The following SCAF4 variants were observed in gnomAD, a reference collection of about 807,000 sequenced individuals.
SCAF4 encodes SR-related and CTD-associated factor 4.
A neutral mutation model predicts 129.8 loss-of-function variants in SCAF4; 25 were observed. The ratio of observed to expected loss-of-function variants is 0.19; its 90% CI spans 0.14 to 0.27. The LOEUF (loss-of-function observed/expected upper bound fraction) is 0.27. SCAF4 is among the 10% of genes least tolerant of loss of function. SCAF4 has a pLI of 1.00. For synonymous variants in SCAF4, 551 were observed against 497.7 expected, an observed-to-expected ratio of 1.11 and a Z score of -1.43; for missense variants, 1,246 against 1,457.1, an observed-to-expected ratio of 0.86 and a Z score of 2.36.
rs2050539484 is a variant in SCAF4, at chr21:31,701,825, T to A, written c.551A>T (p.Asp184Val). The A allele has an allele frequency of 1.2e-6, 2 of 1,613,890 alleles. No individual in the cohort carries two copies. Among genetic ancestry groups the A allele is most frequent in the Non-Finnish European group, 8.5e-7 (1 of 1,179,966 alleles). The change falls in exon 6 of 20, where the codon GAT (aspartate) becomes GTT (valine). Residue 184 changes from aspartate to valine, a missense_variant. Physicochemically the swap from Asp to Val is radical, Grantham distance 152. This residue lies in a region of SCAF4 where 143 missense variants were observed against 161.0 expected (regional missense o/e 0.89). Transcript: ENST00000286835. Reference protein sequence around the residue: ...VPAVPQLPSSDAFAAVAQLFQ... With the variant: ...VPAVPQLPSSVAFAAVAQLFQ... ...CAGCTGAGCCACAGCAGCAAAAGCA[T>A]CAGAGCTGGGCAACTGTGGTACAGC... is the stretch of plus-strand genomic sequence containing the variant.
chr21:31,731,894 CT>C lies in SCAF4; in HGVS notation c.-203del, dbSNP rs984162824. 9 of 511,810 alleles carry C rather than the reference CT, an allele frequency of 1.8e-5. No homozygotes were observed. Among genetic ancestry groups the C allele is most frequent in the African/African-American group, 1.4e-4 (7 of 49,074 alleles). 31.7% of individuals were successfully genotyped at this position (511,810 alleles called of 1,614,324 possible). On this transcript the variant is annotated 5_prime_UTR_variant, in exon 1 of 20. Transcript: ENST00000286835. ...CAGAGGCGGAGAGGTGGCGGGCCCC[CT>C]CTCAGTCCCGTTCGCAGGATGAGGA... is the stretch of plus-strand genomic sequence containing the variant.
intron 1 of SCAF4, chr21:31,712,946 T>C (rs967723700): frequency 1.2e-6 from 1 of 823,438 alleles, no homozygotes; most frequent in Non-Finnish European, 1.5e-6. Context: ...CTCTAACTCC[T>C]ACCCCCTCTC....
At chr21:31,696,054 A>T in intron 9 of SCAF4, 59 bp downstream of exon 9, 3 of 1,267,844 alleles carry the variant, frequency 2.4e-6, no homozygotes, top group Non-Finnish European at 2.3e-6. Flanking sequence ...TGTGGAATGC[A>T]AACCATACGC....
chr21:31,725,212 G>A (rs2051172915), intron 1 of SCAF4, among the ~76,000 whole-genome samples: 1 of 151,994 alleles, frequency 6.6e-6, no homozygotes, highest in Non-Finnish European at 1.5e-5. Context: ...CTGTCTACAT[G>A]TCTTTAGATA....
chr21:31,712,558 T>G (rs2050828125), intron 1 of SCAF4, among the ~76,000 whole-genome samples: 2 of 143,720 alleles, frequency 1.4e-5, no homozygotes, highest in South Asian at 4.5e-4. Context: ...GACAAAGCCT[T>G]GCTATTGTCC....
At position 31,731,556 on chromosome 21, in the gene SCAF4, A is replaced by G. The variant is rs1373441113; in HGVS notation, c.30+107T>C. ...GGCCCCGCCGCCCCGGAACCGGGGC[A>G]GGAAGCGTCCCCACCCGGACCAAAG... On this transcript the variant is annotated intron_variant, in intron 1 of 19. Coordinates refer to ENST00000286835, the MANE Select transcript of SCAF4 (RefSeq NM_020706.2). The G allele has an allele frequency of 3.8e-6, 5 of 1,325,208 alleles. No homozygotes were observed. In the African/African-American group the frequency reaches 6.1e-5, roughly 16 times the overall value. 82.1% of individuals were successfully genotyped at this position (1,325,208 alleles called of 1,614,324 possible).
intron 1 of SCAF4, chr21:31,712,992 T>C (rs2050841376): frequency 3.0e-6 from 1 of 332,688 alleles, no homozygotes; most frequent in Non-Finnish European, 4.3e-6. Flanking sequence ...TTCTCTTAAT[T>C]AAAAATCAAT....
intron 16 of SCAF4, 135 bp downstream of exon 16, chr21:31,688,172 T>TA (rs1417460724): frequency 1.2e-5 from 4 of 335,736 alleles, no homozygotes; most frequent in African/African-American, 1.1e-4. Flanking sequence ...TTAAATCTGA[T>TA]AAAACATGAA....
intron 1 of SCAF4, 177 bp from the exon 2 acceptor site, chr21:31,706,534 C>T: frequency 3.4e-6 from 2 of 583,490 alleles, no homozygotes; most frequent in Non-Finnish European, 6.1e-6. Flanking sequence ...CCAGCACACA[C>T]CCTCCCCACT....
intron 12 of SCAF4, among the ~76,000 whole-genome samples, chr21:31,692,889 G>C (rs189170041): frequency 6.6e-6 from 1 of 152,268 alleles, no homozygotes. Flanking sequence ...TGTGTCCTAG[G>C]TGATAAGCCT....
Position 31,692,383 on chromosome 21 carries a change from A to T in SCAF4, c.1580T>A (p.Leu527His), listed in dbSNP as rs780461432. The change falls in exon 13 of 20, where the codon CTC (leucine) becomes CAC (histidine). Residue 527 changes from leucine to histidine, a missense_variant. Physicochemically the swap from Leu to His is moderately conservative, Grantham distance 99. Transcript: ENST00000286835. ...KRTTQQDVAS[L>H]LEEFGPIESI... ...TTCAATTGGACCAAACTCTTCCAAG[A>T]GACTGGCAACATCCTGCTGAGTAGT... 9 of 1,614,020 alleles carry T rather than the reference A, an allele frequency of 5.6e-6. No individual in the cohort carries two copies. In the East Asian group the frequency reaches 2.0e-4, roughly 36 times the overall value.
Position 31,671,673 on chromosome 21 carries a change from C to T in SCAF4, c.3170G>A (p.Arg1057Gln), listed in dbSNP as rs1213089710. 1.1e-5 allele frequency: 17 copies of T among 1,613,910 alleles called. No individual in the cohort carries two copies. The highest frequency in any genetic ancestry group is 1.4e-5 in the Non-Finnish European group (16 of 1,179,922). ...EERNRRSSGH[R>Q]DRERDSRDRE... ...ATCTCTAGAATCTCTCTCTCTGTCTCGATGCCCACTAGAGCGTCTATTTCT... is the reference window on the plus strand; with the variant it reads ...ATCTCTAGAATCTCTCTCTCTGTCTTGATGCCCACTAGAGCGTCTATTTCT... Residue 1057 changes from arginine to glutamine, a missense_variant, in exon 20 of 20, where the codon CGA becomes CAA. This residue lies in a region of SCAF4 where 339 missense variants were observed against 325.0 expected (regional missense o/e 1.04). Transcript: ENST00000286835.
At chr21:31,722,013 C>A (rs772770060) in intron 1 of SCAF4, among the ~76,000 whole-genome samples, 1 of 152,148 alleles carries the variant, frequency 6.6e-6, no homozygotes, top group African/African-American at 2.4e-5. Context: ...AGCCACCACG[C>A]CTGGCCTGAG....
At chr21:31,701,253 A>G in intron 6 of SCAF4, 82 bp from the exon 7 acceptor site, 2 of 1,291,384 alleles carry the variant, frequency 1.5e-6, no homozygotes, top group Non-Finnish European at 2.1e-6. Flanking sequence ...AAAATGTCTT[A>G]AAGGTGATTC....
Position 31,701,766 on chromosome 21 carries a change from GAC to G in SCAF4, c.600+8_600+9del. The G allele has an allele frequency of 6.3e-7, 1 of 1,596,006 alleles. No homozygotes were observed. The highest frequency in any genetic ancestry group is 8.5e-7 in the Non-Finnish European group (1 of 1,174,370). ...CTGCAAACAATTTCACTTTTGAGTA[GAC>G]AGTTTACCTGTTGGCCTTGAGTTGT... On this transcript the variant is annotated splice_region_variant and intron_variant, in intron 6 of 19. Transcript: ENST00000286835.
At position 31,694,846 on chromosome 21, in the gene SCAF4, T is replaced by C. The variant is rs773644652; in HGVS notation, c.1203A>G (p.Gln401=). The change falls in exon 10 of 20, where the codon CAA becomes CAG. Residue 401 remains glutamine (Q), a synonymous_variant. Transcript: ENST00000286835. ...GCGGCTTCTGTGTAAGTGGTTCATT[T>C]TGTGCCTGAAAAGAAGCTTGGAAAG... is the stretch of plus-strand genomic sequence containing the variant. ...QQPFQASFQA[Q]NEPLTQKPHQ... 6 of 1,614,068 alleles carry C rather than the reference T, an allele frequency of 3.7e-6. No individual in the cohort carries two copies. The highest frequency in any genetic ancestry group is 8.5e-7 in the Non-Finnish European group (1 of 1,180,006).
At chr21:31,696,284 T>C (rs1260656838) in intron 8 of SCAF4, 63 bp from the exon 9 acceptor site, 9 of 1,264,494 alleles carry the variant, frequency 7.1e-6, no homozygotes, top group Non-Finnish European at 9.2e-6. Context: ...CACACTTAAA[T>C]TACAGAAACA....
Position 31,688,439 on chromosome 21 carries a change from A to T in SCAF4, c.1911T>A (p.Pro637=). ...NPDWKGIPKK[P]ENEVAQNGGA... Reference sequence around the variant, plus strand: ...CTCCATTTTGAGCAACTTCATTTTCAGGCTTCTTAGGAATTCCTTTCCAAT... The same window carrying T: ...CTCCATTTTGAGCAACTTCATTTTCTGGCTTCTTAGGAATTCCTTTCCAAT... The change falls in exon 16 of 20, where the codon CCT becomes CCA. Residue 637 remains proline, a synonymous_variant. Coordinates refer to ENST00000286835, the MANE Select transcript of SCAF4 (RefSeq NM_020706.2). 2 of 1,613,986 alleles carry T rather than the reference A, an allele frequency of 1.2e-6. No individual in the cohort carries two copies. Among genetic ancestry groups the T allele is most frequent in the Non-Finnish European group, 8.5e-7 (1 of 1,179,906 alleles).
chr21:31,693,084 C>A (rs977165248), intron 12 of SCAF4, among the ~76,000 whole-genome samples: 1 of 152,094 alleles, frequency 6.6e-6, no homozygotes, highest in Non-Finnish European at 1.5e-5. Context: ...TGGTTCACTC[C>A]TTACTGCTGC....
Sources: gnomAD v4.1 joint callset for allele counts (sites outside exome capture counted in the v4.1 genomes callset) on GRCh38, gnomAD v4.1.1 for gene constraint, gnomAD v4.1.1 regional missense constraint, MANE v1.5 for transcripts, NCBI Gene and HGNC (gene_info 2026-07-23, HGNC 2026-07-21) for gene names.